The following KANK1 variants were observed in gnomAD, a reference collection of about 807,000 sequenced individuals.
KANK1 encodes KN motif and ankyrin repeat domains 1, also known as KN motif and ankyrin repeat domain-containing protein 1.
Under a neutral mutation model 106.2 loss-of-function variants are expected in KANK1, and 109 were observed. The observed-to-expected ratio is 1.03, with a 90% CI of 0.88 to 1.20. The LOEUF (loss-of-function observed/expected upper bound fraction) is 1.20, where lower values mean the gene tolerates loss of function less well. KANK1 is among the 50% of genes most tolerant of loss of function. KANK1 has a pLI of 0.00. For missense variants in KANK1, 2,399 were observed against 1,710.7 expected, an observed-to-expected ratio of 1.40 and a Z score of -7.10; for synonymous variants, 873 against 652.2, an observed-to-expected ratio of 1.34 and a Z score of -5.16.
intron 1 of KANK1, among the ~76,000 whole-genome samples, chr9:583,016 G>T (rs956310127): frequency 1.7e-4 from 26 of 152,302 alleles, no homozygotes; most frequent in Admixed American, 1.4e-3. Context: ...ACACTTAATA[G>T]TAAAGATATG....
At chr9:681,410 TC>T (rs901156969) in intron 2 of KANK1, among the ~76,000 whole-genome samples, 2 of 152,148 alleles carry the variant, frequency 1.3e-5, no homozygotes, top group African/African-American at 2.4e-5. Context: ...GTCTGCTTTT[TC>T]CCCAAGTTTC....
At chr9:654,148 G>A (rs1216853315) in intron 1 of KANK1, among the ~76,000 whole-genome samples, 1 of 152,174 alleles carries the variant, frequency 6.6e-6, no homozygotes, top group African/African-American at 2.4e-5. Flanking sequence ...ACATGCAGCA[G>A]TTAACACACT....
intron 1 of KANK1, among the ~76,000 whole-genome samples, chr9:602,425 A>C (rs1827994697): frequency 6.6e-6 from 1 of 151,276 alleles, no homozygotes; most frequent in Non-Finnish European, 1.5e-5. Context: ...ATGCCCAGCT[A>C]ATTTTTGTAT....
chr9:539,470 T>A (rs2060472401), intron 1 of KANK1: 1 of 152,186 alleles, frequency 6.6e-6, no homozygotes, highest in Admixed American at 6.5e-5. Context: ...ACCTCCTTGG[T>A]TAAATTTATT....
intron 1 of KANK1, among the ~76,000 whole-genome samples, chr9:572,720 T>C (rs1407176572): frequency 1.3e-5 from 2 of 152,184 alleles, no homozygotes; most frequent in South Asian, 2.1e-4. Context: ...TTGAAGGACA[T>C]GTGTGTTAAG....
At chr9:620,609 G>T (rs1016982507) in intron 1 of KANK1, among the ~76,000 whole-genome samples, 12 of 152,126 alleles carry the variant, frequency 7.9e-5, no homozygotes, top group Admixed American at 6.5e-4. Flanking sequence ...GTTTCACTAT[G>T]TTGGCCAGGC....
chr9:515,276 C>T (rs565748485), intron 1 of KANK1, among the ~76,000 whole-genome samples: 15 of 149,732 alleles, frequency 1.0e-4, no homozygotes, highest in Non-Finnish European at 1.8e-4. Flanking sequence ...ACCCAGGAGG[C>T]GGAGCTTGCA....
At chr9:476,973 A>G (rs1008886914) in intron 3 of KANK1, among the ~76,000 whole-genome samples, 6 of 152,170 alleles carry the variant, frequency 3.9e-5, no homozygotes, top group African/African-American at 1.4e-4. Flanking sequence ...TCCTTTCCTA[A>G]GATCCCGCTT....
At chr9:576,172 C>T (rs929562980) in intron 1 of KANK1, among the ~76,000 whole-genome samples, 1 of 152,178 alleles carries the variant, frequency 6.6e-6, no homozygotes, top group Admixed American at 6.5e-5. Context: ...GTCTAGGAAT[C>T]TGTGTTTTTA....
intron 2 of KANK1, among the ~76,000 whole-genome samples, chr9:683,989 G>C (rs1818062374): frequency 6.6e-6 from 1 of 152,032 alleles, no homozygotes; most frequent in Admixed American, 6.6e-5. Context: ...TTAAAATGTT[G>C]GGACCACCTA....
chr9:647,999 CTT>C (rs59053892), intron 1 of KANK1, among the ~76,000 whole-genome samples: 24 of 118,312 alleles, frequency 2.0e-4, no homozygotes, highest in Admixed American at 3.6e-4. Context: ...GGGTTGTTAT[CTT>C]TTTTTTTTTT....
chr9:539,340 G>A (rs2060465565), intron 1 of KANK1, among the ~76,000 whole-genome samples: 1 of 152,162 alleles, frequency 6.6e-6, no homozygotes, highest in Admixed American at 6.5e-5. Flanking sequence ...ACTTCGGGGA[G>A]TATGAACAGT....
chr9:654,882 T>G (rs1000636920), intron 1 of KANK1, among the ~76,000 whole-genome samples: 9 of 151,990 alleles, frequency 5.9e-5, no homozygotes, highest in Non-Finnish European at 1.3e-4. Flanking sequence ...TGTGGTTTTC[T>G]GCCAAGTTCA....
At chr9:668,049 T>C (rs1395507164) in intron 1 of KANK1, among the ~76,000 whole-genome samples, 2 of 152,158 alleles carry the variant, frequency 1.3e-5, no homozygotes, top group Non-Finnish European at 2.9e-5. Context: ...CTCTTGTTAT[T>C]GATATCTAGT....
intron 3 of KANK1, among the ~76,000 whole-genome samples, chr9:474,864 C>T (rs2058078146): frequency 6.6e-6 from 1 of 152,082 alleles, no homozygotes; most frequent in South Asian, 2.1e-4. Flanking sequence ...CTGAGAATAC[C>T]ATTTTCTCAG....
intron 3 of KANK1, among the ~76,000 whole-genome samples, chr9:717,317 G>A (rs189314009): frequency 1.3e-5 from 2 of 152,054 alleles, no homozygotes; most frequent in African/African-American, 2.4e-5. Context: ...GAAATTAAAA[G>A]TTCAGAAGAG....
chr9:549,086 T>C (rs577765546), intron 1 of KANK1: 29 of 152,286 alleles, frequency 1.9e-4, no homozygotes, highest in African/African-American at 6.7e-4. Flanking sequence ...TTTTCTTTTT[T>C]TTTTTCTACT....
intron 1 of KANK1, among the ~76,000 whole-genome samples, chr9:576,405 A>G (rs1245888399): frequency 6.6e-6 from 1 of 152,234 alleles, no homozygotes; most frequent in East Asian, 1.9e-4. Context: ...GTAAGAAAGC[A>G]GAAGAGGAAC....
intron 1 of KANK1, among the ~76,000 whole-genome samples, chr9:550,194 C>T (rs760733999): frequency 6.6e-6 from 1 of 151,886 alleles, no homozygotes; most frequent in Non-Finnish European, 1.5e-5. Context: ...GGTTCCCCCA[C>T]CCCAACCGCC....
Sources: gnomAD v4.1 joint callset for allele counts (sites outside exome capture counted in the v4.1 genomes callset) on GRCh38, gnomAD v4.1.1 for gene constraint, MANE v1.5 for transcripts, NCBI Gene and HGNC (gene_info 2026-07-23, HGNC 2026-07-21) for gene names.